CHN2: variants seen among roughly 807,000 people sequenced by gnomAD.
The protein encoded by CHN2 is beta-chimaerin.
A neutral mutation model predicts 56.3 loss-of-function variants in CHN2; 35 were observed. The observed-to-expected ratio is 0.62, with a 90% CI of 0.47 to 0.82. The LOEUF (loss-of-function observed/expected upper bound fraction) is 0.82. Ranked by LOEUF, CHN2 falls within the 40% of genes least tolerant of loss-of-function variation. The pLI, the probability that CHN2 is intolerant of heterozygous loss-of-function variation, is 0.00. For missense variants in CHN2, 491 were observed against 580.5 expected (o/e 0.85, Z 1.58); for synonymous variants, 210 against 212.8 (o/e 0.99, Z 0.12).
intron 3 of CHN2, among the ~76,000 whole-genome samples, chr7:29,383,625 A>G (rs576708326): frequency 6.6e-6 from 1 of 152,234 alleles, no homozygotes; most frequent in Non-Finnish European, 1.5e-5. Flanking sequence ...ATCATAACAC[A>G]TAAGTAAAAT....
At chr7:29,387,381 G>A (rs1800998816) in intron 3 of CHN2, among the ~76,000 whole-genome samples, 2 of 152,230 alleles carry the variant, frequency 1.3e-5, no homozygotes, top group Non-Finnish European at 2.9e-5. Flanking sequence ...GGGTCCACAT[G>A]CATATTCTGT....
chr7:29,315,124 A>G (rs892679301), intron 1 of CHN2, among the ~76,000 whole-genome samples: 6 of 152,184 alleles, frequency 3.9e-5, no homozygotes, highest in Admixed American at 6.6e-5. Context: ...AAAGCGATGT[A>G]TTTATTTCTG....
chr7:29,408,357 G>A (rs891630201), intron 6 of CHN2, among the ~76,000 whole-genome samples: 1 of 152,128 alleles, frequency 6.6e-6, no homozygotes, highest in Admixed American at 6.5e-5. Context: ...TTAGATGGAA[G>A]GGGAGACGAG....
intron 1 of CHN2, among the ~76,000 whole-genome samples, chr7:29,298,310 T>C (rs890097834): frequency 6.6e-6 from 1 of 152,184 alleles, no homozygotes; most frequent in Non-Finnish European, 1.5e-5. Flanking sequence ...TTTGGATTTC[T>C]TAGCTCCAGT....
intron 6 of CHN2, among the ~76,000 whole-genome samples, chr7:29,415,063 A>T (rs1803592751): frequency 6.6e-6 from 1 of 152,234 alleles, no homozygotes; most frequent in Non-Finnish European, 1.5e-5. Context: ...ATTAATAATT[A>T]ATAATAATTA....
At position 29,173,713 on chromosome 7, in the gene CHN2, C is replaced by T. The variant is rs548090204; in HGVS notation, c.274+26753C>T. On this transcript the variant is annotated intron_variant, in intron 2 of 6. Coordinates refer to the CHN2 transcript ENST00000439384. ...AATTCCTTACTTTGGCAGGCTGAGG[C>T]GGGCAGATCACTTGAGGTCAGGTGC... Among the ~76,000 whole-genome samples, 10 of 150,104 alleles carry T rather than the reference C, an allele frequency of 6.7e-5. No homozygotes were observed. In the East Asian group the frequency reaches 1.2e-3, roughly 18 times the overall value.
At chr7:29,316,842 T>C (rs1794989323) in intron 1 of CHN2, among the ~76,000 whole-genome samples, 1 of 152,074 alleles carries the variant, frequency 6.6e-6, no homozygotes, top group South Asian at 2.1e-4. Flanking sequence ...GGAGGGTGTG[T>C]GGTAGCGGGG....
intron 6 of CHN2, among the ~76,000 whole-genome samples, chr7:29,459,650 C>T (rs529165010): frequency 6.6e-6 from 1 of 152,152 alleles, no homozygotes; most frequent in Non-Finnish European, 1.5e-5. Flanking sequence ...CAGAGCAGCC[C>T]ATAGCAGCAG....
chr7:29,233,152 G>A (rs1786854666), intron 1 of CHN2, among the ~76,000 whole-genome samples: 1 of 152,184 alleles, frequency 6.6e-6, no homozygotes, highest in Admixed American at 6.5e-5. Context: ...CACCAAACTA[G>A]TTATATGACC....
intron 1 of CHN2, among the ~76,000 whole-genome samples, chr7:29,348,766 AAAAC>A (rs1797660525): frequency 6.6e-6 from 1 of 152,200 alleles, no homozygotes; most frequent in Admixed American, 6.5e-5. Flanking sequence ...ACTTTTAAAA[AAAAC>A]TAGCACTCCT....
intron 1 of CHN2, among the ~76,000 whole-genome samples, chr7:29,294,953 C>T (rs1308132927): frequency 1.3e-5 from 2 of 152,176 alleles, no homozygotes; most frequent in African/African-American, 2.4e-5. Flanking sequence ...AGCCACAGGG[C>T]AGTCATCCTC....
intron 1 of CHN2, among the ~76,000 whole-genome samples, chr7:29,338,217 T>G (rs1796769926): frequency 1.3e-5 from 2 of 152,300 alleles, no homozygotes; most frequent in Non-Finnish European, 2.9e-5. Flanking sequence ...TGGCCATAAT[T>G]TATTCTTATG....
At chr7:29,363,574 T>C (rs1798905656) in intron 2 of CHN2, among the ~76,000 whole-genome samples, 1 of 152,204 alleles carries the variant, frequency 6.6e-6, no homozygotes, top group Non-Finnish European at 1.5e-5. Context: ...ACAACATCCC[T>C]GCCCTCAAAG....
chr7:29,464,479 C>T, intron 6 of CHN2, among the ~76,000 whole-genome samples: 1 of 152,178 alleles, frequency 6.6e-6, no homozygotes, highest in Non-Finnish European at 1.5e-5. Context: ...TGCAGCAAAC[C>T]ACCATGGCAC....
rs536146302 is a variant in CHN2, at chr7:29,374,789, T to C, written c.144+6802T>C. On this transcript the variant is annotated intron_variant, in intron 3 of 12. Coordinates refer to ENST00000222792, the MANE Select transcript of CHN2 (RefSeq NM_004067.4). ...GATTCTTCAATCTCTCTGGGTGATTTTTATTTCTTTATTTCCTTCCTTCCT... is the reference window on the plus strand; with the variant it reads ...GATTCTTCAATCTCTCTGGGTGATTCTTATTTCTTTATTTCCTTCCTTCCT... Among the ~76,000 whole-genome samples, 3 of 127,048 alleles carry C rather than the reference T, an allele frequency of 2.4e-5. No individual in the cohort carries two copies. The East Asian group carries it at 6.9e-4, about 29-fold the overall frequency. 83.3% of individuals were successfully genotyped at this position (127,048 alleles called of 152,430 possible).
At chr7:29,426,046 T>C (rs1236920410) in intron 6 of CHN2, among the ~76,000 whole-genome samples, 1 of 151,742 alleles carries the variant, frequency 6.6e-6, no homozygotes, top group Non-Finnish European at 1.5e-5. Flanking sequence ...TGGTCTCTAC[T>C]AAAAATAAAA....
At chr7:29,280,067 G>T (rs1204674993) in intron 1 of CHN2, among the ~76,000 whole-genome samples, 1 of 152,058 alleles carries the variant, frequency 6.6e-6, no homozygotes, top group Non-Finnish European at 1.5e-5. Context: ...GGCCAGTGAG[G>T]AGGTGTTCTT....
intron 6 of CHN2, among the ~76,000 whole-genome samples, chr7:29,435,973 G>A (rs559981109): frequency 6.7e-6 from 1 of 148,546 alleles, no homozygotes; most frequent in Non-Finnish European, 1.5e-5. Flanking sequence ...AATCGGCCCA[G>A]AATTTTAACT....
chr7:29,276,475 A>G (rs931981418), intron 1 of CHN2, among the ~76,000 whole-genome samples: 1 of 152,172 alleles, frequency 6.6e-6, no homozygotes, highest in Non-Finnish European at 1.5e-5. Context: ...TGTACAGCTT[A>G]TGGTATTAAG....
Sources: gnomAD v4.1 joint callset for allele counts (sites outside exome capture counted in the v4.1 genomes callset) on GRCh38, gnomAD v4.1.1 for gene constraint, MANE v1.5 for transcripts, NCBI Gene and HGNC (gene_info 2026-07-23, HGNC 2026-07-21) for gene names.